Variants in TPR observed in about 807,000 individuals in gnomAD.
The protein encoded by TPR is nucleoprotein TPR.
TPR carries 51 observed loss-of-function variants against 316.1 expected under a neutral mutation model. The observed-to-expected ratio is 0.16, with a 90% CI of 0.13 to 0.20. TPR has a LOEUF of 0.20. Among genes scored for constraint, TPR ranks in the 10% least tolerant of loss-of-function variants. The probability of loss-of-function intolerance (pLI) is 1.00; values close to 1 mark genes in which losing one functional copy is unlikely to be tolerated. For missense variants in TPR, 2,272 were observed against 2,754.8 expected, an observed-to-expected ratio of 0.82 and a Z score of 3.92; for synonymous variants, 981 against 914.7, an observed-to-expected ratio of 1.07 and a Z score of -1.31.
chr1:186,363,402 T>G lies in TPR; in HGVS notation c.471A>C (p.Thr157=). The G allele has an allele frequency of 6.2e-7, 1 of 1,612,782 alleles. No homozygotes were observed. The highest frequency in any genetic ancestry group is 8.5e-7 in the Non-Finnish European group (1 of 1,179,152). Residue 157 remains threonine, a synonymous_variant, in exon 5 of 51, where the codon ACA becomes ACC. Coordinates refer to ENST00000367478, the MANE Select transcript of TPR (RefSeq NM_003292.3). ...ATTTTAACTGAAGTTCACCCTTTGT[T>G]GTATTGCTTTCTTTAAGTTTTTCAT... is the stretch of plus-strand genomic sequence containing the variant. The part of the protein sequence containing the change: ...RLNEKLKESN[T]TKGELQLKLD...
chr1:186,318,299 G>C, intron 48 of TPR, 148 bp downstream of exon 48: 3 of 1,042,512 alleles, frequency 2.9e-6, no homozygotes, highest in Non-Finnish European at 4.0e-6. Flanking sequence ...CTGCACTCCA[G>C]CATGGGCGAC....
In TPR at chr1:186,360,305, T is replaced by C; in HGVS notation, c.1159A>G (p.Lys387Glu). The C allele has an allele frequency of 1.2e-6, 2 of 1,613,450 alleles. No individual in the cohort carries two copies. Among genetic ancestry groups the C allele is most frequent in the Non-Finnish European group, 8.5e-7 (1 of 1,179,484 alleles). ...AMSPTAAAVA[K>E]IVKPGMKLTE... Reference sequence around the variant, plus strand: ...AGTTTCATCCCAGGTTTCACTATCTTAGCTACAGCTGCTGCAGTAGGAGAC... The same window carrying C: ...AGTTTCATCCCAGGTTTCACTATCTCAGCTACAGCTGCTGCAGTAGGAGAC... Residue 387 changes from lysine to glutamate, a missense_variant, in exon 11 of 51, where the codon AAG (lysine) becomes GAG (glutamate). Physicochemically the swap from Lys to Glu is moderately conservative, Grantham distance 56 (BLOSUM62 1). Transcript: ENST00000367478.
Position 186,356,392 on chromosome 1 carries a change from G to A in TPR, c.1782C>T (p.Arg594=). 6.2e-7 allele frequency: 1 copy of A among 1,613,832 alleles called. No homozygotes were observed. The highest frequency in any genetic ancestry group is 8.5e-7 in the Non-Finnish European group (1 of 1,179,836). Residue 594 remains arginine, a synonymous_variant, in exon 15 of 51, where the codon CGC becomes CGT. Transcript: ENST00000367478. ...ESALTELEQL[R]KSRQHQMQLV... ...GCTGCATTTGATGCTGTCGTGATTTGCGGAGTTGTTCTAGTTCAGTAAGGG... is the reference window on the plus strand; with the variant it reads ...GCTGCATTTGATGCTGTCGTGATTTACGGAGTTGTTCTAGTTCAGTAAGGG...
In TPR at chr1:186,312,408, A is replaced by G. The variant is rs532484203; in HGVS notation, c.*1563T>C. On this transcript the variant is annotated 3_prime_UTR_variant, in exon 51 of 51. Transcript: ENST00000367478. ...TATTGTGTTAAAAAAATCCTTAAAC[A>G]TAAGTAGATGTAATACAGTTTCTTA... The G allele has an allele frequency of 5.8e-6, 9 of 1,553,040 alleles. 1 individual carries two copies. The highest frequency in any genetic ancestry group is 2.3e-5 in the South Asian group (2 of 85,786).
At position 186,354,043 on chromosome 1, in the gene TPR, T is replaced by C. The variant is rs1658950430; in HGVS notation, c.2172-193A>G. The C allele has an allele frequency of 8.6e-6, 4 of 466,342 alleles. No individual in the cohort carries two copies. In the East Asian group the frequency reaches 1.4e-4, roughly 16 times the overall value. 28.9% of individuals were successfully genotyped at this position (466,342 alleles called of 1,614,324 possible). On this transcript the variant is annotated intron_variant, in intron 17 of 50. Transcript: ENST00000367478. Reference sequence around the variant, plus strand: ...AATAACTCCAGGAACAGTTTTTATATTTTATTTTCACACTGAAAATCTGTC... The same window carrying C: ...AATAACTCCAGGAACAGTTTTTATACTTTATTTTCACACTGAAAATCTGTC...
In TPR at chr1:186,374,961, T is replaced by C. The variant is rs373400928; in HGVS notation, c.68A>G (p.Asn23Ser). 3.1e-6 allele frequency: 5 copies of C among 1,613,868 alleles called. No individual in the cohort carries two copies. The highest frequency in any genetic ancestry group is 4.2e-6 in the Non-Finnish European group (5 of 1,179,854). The change falls in exon 1 of 51, where the codon AAC becomes AGC. Residue 23 changes from asparagine to serine, a missense_variant. By Grantham distance (46) the Asn-to-Ser change is conservative. Around this residue, in one of 10 missense-constraint regions of TPR, gnomAD observed 549 missense variants for 598.6 expected, o/e 0.92. Transcript: ENST00000367478. ...ATCAGCAAGGAACTTTTCAAGTTTGTTCTGGACAGACTTGGGCAGCTTGTT... is the reference window on the plus strand; with the variant it reads ...ATCAGCAAGGAACTTTTCAAGTTTGCTCTGGACAGACTTGGGCAGCTTGTT... ...ELNKLPKSVQ[N>S]KLEKFLADQQ...
At chr1:186,334,667 T>C in intron 35 of TPR, 134 bp from the exon 36 acceptor site, 1 of 962,856 alleles carries the variant, frequency 1.0e-6, no homozygotes, top group Non-Finnish European at 1.5e-6. Context: ...GTTTTGAATT[T>C]AAGCATTAAA....
intron 22 of TPR, 119 bp from the exon 23 acceptor site, chr1:186,346,406 A>C: frequency 1.9e-6 from 2 of 1,053,848 alleles, no homozygotes; most frequent in Non-Finnish European, 2.6e-6. Context: ...TTGTATATTA[A>C]AAAAAGAATC....
Position 186,359,961 on chromosome 1 carries a change from C to G in TPR, c.1227G>C (p.Leu409Phe), listed in dbSNP as rs1659134944. The change falls in exon 12 of 51, where the codon TTG (leucine) becomes TTC (phenylalanine). Residue 409 changes from leucine (L) to phenylalanine (F), a missense_variant. By Grantham distance (22) the Leu-to-Phe change is conservative (BLOSUM62 0). Coordinates refer to ENST00000367478, the MANE Select transcript of TPR (RefSeq NM_003292.3). ...YNAYVETQDQ[L>F]LLEKLENKRI... The stretch of plus-strand genomic sequence containing the variant: ...TTTTGTTCTCTAGTTTCTCCAAAAG[C>G]AACTGATCCTGAGTTTCCACATAAG... 1.9e-6 allele frequency: 3 copies of G among 1,609,206 alleles called. No individual in the cohort carries two copies. Among genetic ancestry groups the G allele is most frequent in the Non-Finnish European group, 2.5e-6 (3 of 1,178,698 alleles).
chr1:186,368,018 G>A (rs764825443), intron 3 of TPR, 36 bp from the exon 4 acceptor site: 5 of 1,469,898 alleles, frequency 3.4e-6, no homozygotes, highest in Non-Finnish European at 4.7e-6. Flanking sequence ...AGAAAATCAA[G>A]TAGAGCAATA....
At position 186,335,655 on chromosome 1, in the gene TPR, A is replaced by G; in HGVS notation, c.4706-112T>C. 3 of 727,956 alleles carry G rather than the reference A, an allele frequency of 4.1e-6. No homozygotes were observed. In the East Asian group the frequency reaches 8.4e-5, roughly 20 times the overall value. 45.1% of individuals were successfully genotyped at this position (727,956 alleles called of 1,614,324 possible). A position where few individuals can be genotyped will look rare whatever the true frequency, so the allele number is the denominator to read the frequency against. On this transcript the variant is annotated intron_variant, in intron 33 of 50. Transcript: ENST00000367478. The stretch of plus-strand genomic sequence containing the variant: ...CAGATTCTACTACTATAACATCTAC[A>G]TTAGTTATGATACATCATACATCTC...
rs963116592 is a variant in TPR, at chr1:186,315,237, A to C, written c.6941-513T>G. On this transcript the variant is annotated intron_variant, in intron 49 of 50. Coordinates refer to ENST00000367478, the MANE Select transcript of TPR (RefSeq NM_003292.3). ...AAAAACAAACAAACAAACAAAAAAA[A>C]AACACCAAAAAAAAACCAGAAGTGC... is the stretch of plus-strand genomic sequence containing the variant. Among the ~76,000 whole-genome samples the C allele has an allele frequency of 1.5e-3, 223 of 151,990 alleles. 1 individual carries two copies. Among genetic ancestry groups the C allele is most frequent in the African/African-American group, 4.9e-3 (202 of 41,440 alleles).
chr1:186,362,933 C>A lies in TPR; in HGVS notation c.600G>T (p.Glu200Asp). 6.2e-7 allele frequency: 1 copy of A among 1,611,710 alleles called. No individual in the cohort carries two copies. Among genetic ancestry groups the A allele is most frequent in the Non-Finnish European group, 8.5e-7 (1 of 1,179,098 alleles). Residue 200 changes from glutamate to aspartate, a missense_variant, in exon 6 of 51, where the codon GAG (glutamate) becomes GAT (aspartate). Physicochemically the swap from Glu to Asp is conservative, Grantham distance 45. Transcript: ENST00000367478. ...LHSQNTWLNTELKTKTDELLA... is the reference protein window; with the variant it reads ...LHSQNTWLNTDLKTKTDELLA... Reference sequence around the variant, plus strand: ...GAAGTTCATCAGTTTTGGTTTTCAACTCTGTATTCAGCCATGTATTCTGAC... The same window carrying A: ...GAAGTTCATCAGTTTTGGTTTTCAAATCTGTATTCAGCCATGTATTCTGAC...
chr1:186,354,484 G>A (rs1658963489), intron 17 of TPR, among the ~76,000 whole-genome samples: 2 of 152,080 alleles, frequency 1.3e-5, no homozygotes. Flanking sequence ...TGGCTGGCTA[G>A]AGGTATCAAC....
rs753689356 is a variant in TPR at position 186,325,752 on chromosome 1, TA to T, written c.6112+11del. The T allele has an allele frequency of 1.1e-5, 18 of 1,608,582 alleles. No homozygotes were observed. The highest frequency in any genetic ancestry group is 1.5e-5 in the Non-Finnish European group (18 of 1,176,764). The stretch of plus-strand genomic sequence containing the variant: ...AGATATTCAATTCAAAAAAGGCTAA[TA>T]AAAATCTCACCACTGTTTTGAGAAT... On this transcript the variant is annotated intron_variant, in intron 42 of 50. Transcript: ENST00000367478.
rs1209080251 is a variant in TPR at position 186,359,866 on chromosome 1, C to T, written c.1322G>A (p.Arg441His). The T allele has an allele frequency of 1.5e-5, 24 of 1,604,652 alleles. No homozygotes were observed. Among genetic ancestry groups the T allele is most frequent in the African/African-American group, 4.1e-5 (3 of 74,032 alleles). Residue 441 changes from arginine (R) to histidine (H), a missense_variant, in exon 12 of 51, where the codon CGT (arginine) becomes CAT (histidine). Arg to His is a conservative substitution (Grantham distance 29). Coordinates refer to ENST00000367478, the MANE Select transcript of TPR (RefSeq NM_003292.3). ...TTTCTGTGCACGTTCATATTCCTCACGCTGGCGTTTCAAAATTGGTGCTTT... is the reference window on the plus strand; with the variant it reads ...TTTCTGTGCACGTTCATATTCCTCATGCTGGCGTTTCAAAATTGGTGCTTT... ...EAKAPILKRQ[R>H]EEYERAQKAV...
intron 40 of TPR, among the ~76,000 whole-genome samples, chr1:186,326,641 AAAAC>A (rs1356123470): frequency 1.3e-5 from 2 of 151,902 alleles, no homozygotes; most frequent in Non-Finnish European, 2.9e-5. Context: ...ACCCCAAAAT[AAAAC>A]AAACAATTTG....
chr1:186,331,934 G>T (rs1459278542), intron 38 of TPR, among the ~76,000 whole-genome samples: 2 of 152,028 alleles, frequency 1.3e-5, no homozygotes, highest in African/African-American at 2.4e-5. Flanking sequence ...GAAACTTCGA[G>T]ATGAAATTCA....
chr1:186,318,476 A>G lies in TPR; in HGVS notation c.6792T>C (p.Asp2264=). ...CAGATTCTGCCTCCACAAATACTTC[A>G]TCTCCATCATCACCTGTTGCTGTTT... ...TNETATGDDG[D]EVFVEAESEG... Residue 2264 remains aspartate (D), a synonymous_variant, in exon 48 of 51, where the codon GAT becomes GAC. Transcript: ENST00000367478. 1.2e-6 allele frequency: 2 copies of G among 1,612,548 alleles called. No homozygotes were observed. Among genetic ancestry groups the G allele is most frequent in the South Asian group, 1.1e-5 (1 of 90,546 alleles).
Sources: allele counts gnomAD v4.1 joint callset (sites outside exome capture counted in the v4.1 genomes callset), GRCh38; gene constraint gnomAD v4.1.1; regional missense constraint gnomAD v4.1.1; transcripts MANE v1.5; gene names NCBI Gene and HGNC (gene_info 2026-07-23, HGNC 2026-07-21).